Variants in SEMA4D observed in about 807,000 individuals in gnomAD.
SEMA4D encodes semaphorin-4D.
SEMA4D carries 22 observed loss-of-function variants against 74.8 expected under a neutral mutation model. The ratio of observed to expected loss-of-function variants is 0.29; its 90% CI spans 0.21 to 0.42. The LOEUF (loss-of-function observed/expected upper bound fraction) is 0.42. SEMA4D is among the 10% of genes least tolerant of loss of function. The pLI, the probability that SEMA4D is intolerant of heterozygous loss-of-function variation, is 1.00. For missense variants in SEMA4D, 937 were observed against 1,118.4 expected, an observed-to-expected ratio of 0.84 and a Z score of 2.31; for synonymous variants, 445 against 463.7, an observed-to-expected ratio of 0.96 and a Z score of 0.52.
intron 5 of SEMA4D, among the ~76,000 whole-genome samples, chr9:89,397,567 G>A (rs187381833): frequency 2.6e-5 from 4 of 152,342 alleles, no homozygotes; most frequent in Non-Finnish European, 5.9e-5. Flanking sequence ...TGCGTTACAT[G>A]TGCTATAGTC....
rs531323016 is a variant in SEMA4D at position 89,436,740 on chromosome 9, G to C, written c.-244+19148C>G. Among the ~76,000 whole-genome samples, 5 of 152,350 alleles carry C rather than the reference G, an allele frequency of 3.3e-5. No homozygotes were observed. The South Asian group carries it at 8.3e-4, about 25-fold the overall frequency. On this transcript the variant is annotated intron_variant, in intron 2 of 15. Transcript: ENST00000422704. ...GAAAGGCTGCCTTAGAGGAGGGTGTGGGGGGTTGCGGCCCAGCACCCAAGC... is the reference window on the plus strand; with the variant it reads ...GAAAGGCTGCCTTAGAGGAGGGTGTCGGGGGTTGCGGCCCAGCACCCAAGC...
In SEMA4D at chr9:89,401,768, T is replaced by C. The variant is rs544527402; in HGVS notation, c.252+1103A>G. Among the ~76,000 whole-genome samples the C allele has an allele frequency of 8.5e-5, 13 of 152,322 alleles. No homozygotes were observed. In the East Asian group the frequency reaches 2.3e-3, roughly 27 times the overall value. Reference sequence around the variant, plus strand: ...AAAGATTCCAAGCATCGATTCTGCATTTCCCAAAGGAAATGGGACCTCTAC... The same window carrying C: ...AAAGATTCCAAGCATCGATTCTGCACTTCCCAAAGGAAATGGGACCTCTAC... On this transcript the variant is annotated intron_variant, in intron 4 of 15. Coordinates refer to ENST00000422704, the MANE Select transcript of SEMA4D (RefSeq NM_001371194.2).
rs185379754 is a variant in SEMA4D at position 89,385,067 on chromosome 9, G to A, written c.1446+1300C>T. ...AACCCACTGGCTCCTCCTCCTGGGC[G>A]CGAGGCTCCCTGTGTGGCCAGCTGC... On this transcript the variant is annotated intron_variant, in intron 13 of 15. Coordinates refer to ENST00000422704, the MANE Select transcript of SEMA4D (RefSeq NM_001371194.2). The A allele has an allele frequency of 1.3e-3, 1,311 of 982,782 alleles. 15 individuals carry two copies. In the African/African-American group the frequency reaches 0.021, roughly 16 times the overall value. 60.9% of individuals were successfully genotyped at this position (982,782 alleles called of 1,614,324 possible).
rs748015780 is a variant in SEMA4D at position 89,379,391 on chromosome 9, C to A, written c.1902G>T (p.Thr634=). The A allele has an allele frequency of 1.9e-6, 3 of 1,614,062 alleles. No homozygotes were observed. The highest frequency in any genetic ancestry group is 2.5e-6 in the Non-Finnish European group (3 of 1,180,048). ...CLSEERVKNK[T]VFQVVAKHVL... ...CGTGCTTGGCGACCACTTGGAAGAC[C>A]GTTTTGTTCTTAACCCTCTCCTCTG... The change falls in exon 16 of 16, where the codon ACG becomes ACT. Residue 634 remains threonine, a synonymous_variant. Transcript: ENST00000422704.
At chr9:89,489,747 C>T (rs772491716) in intron 1 of SEMA4D, among the ~76,000 whole-genome samples, 9 of 152,216 alleles carry the variant, frequency 5.9e-5, no homozygotes, top group Admixed American at 5.2e-4. Flanking sequence ...CTTACCCATT[C>T]ATCCACTGCT....
chr9:89,464,148 G>A (rs1056971308), intron 1 of SEMA4D, among the ~76,000 whole-genome samples: 14 of 152,056 alleles, frequency 9.2e-5, no homozygotes, highest in Non-Finnish European at 1.9e-4. Context: ...CCACAAAACC[G>A]CACTGTGAGC....
In SEMA4D at chr9:89,387,524, G is replaced by A. The variant is rs764754943; in HGVS notation, c.1192C>T (p.Pro398Ser). The A allele has an allele frequency of 4.3e-6, 7 of 1,614,086 alleles. No homozygotes were observed. In the African/African-American group the frequency reaches 9.3e-5, roughly 22 times the overall value. The change falls in exon 12 of 16, where the codon CCT becomes TCT. Residue 398 changes from proline to serine, a missense_variant. By Grantham distance (74) the Pro-to-Ser change is moderately conservative (BLOSUM62 -1). Transcript: ENST00000422704. ...GGGGTTACCGAGTCATCCATCAAAG[G>A]GTGGTCTTTAACGAACTGCAGCGTC... ...DKTLQFVKDH[P>S]LMDDSVTPID...
At chr9:89,363,379 C>A in intron 18 of SEMA4D, 1 of 1,587,330 alleles carries the variant, frequency 6.3e-7, no homozygotes. Context: ...GTGGCAGGTG[C>A]CCTGCCCCTG....
chr9:89,388,432 T>C (rs969459224), intron 11 of SEMA4D, among the ~76,000 whole-genome samples: 1 of 152,262 alleles, frequency 6.6e-6, no homozygotes, highest in African/African-American at 2.4e-5. Context: ...CCTTCTTGTT[T>C]GTGCAATAGT....
At chr9:89,365,932 C>T (rs1262264770) in intron 16 of SEMA4D, among the ~76,000 whole-genome samples, 3 of 152,208 alleles carry the variant, frequency 2.0e-5, no homozygotes, top group Non-Finnish European at 4.4e-5. Context: ...TGTCCGGTCT[C>T]TTGGTCAACA....
intron 2 of SEMA4D, among the ~76,000 whole-genome samples, chr9:89,409,022 C>T (rs1843929287): frequency 6.6e-6 from 1 of 152,166 alleles, no homozygotes; most frequent in Non-Finnish European, 1.5e-5. Context: ...GGAAGCCAGC[C>T]GTGGAGACAG....
chr9:89,417,942 A>C (rs1846079794), intron 2 of SEMA4D: 1 of 232,124 alleles, frequency 4.3e-6, no homozygotes, highest in Admixed American at 6.5e-5. Context: ...GCCCCACAGG[A>C]TATCAGGGAC....
intron 1 of SEMA4D, among the ~76,000 whole-genome samples, chr9:89,483,154 C>G (rs185347638): frequency 6.6e-6 from 1 of 152,238 alleles, no homozygotes; most frequent in Non-Finnish European, 1.5e-5. Flanking sequence ...GATGGCAGAT[C>G]CCTGCACAGA....
rs550544294 is a variant in SEMA4D, at chr9:89,405,725, C to G, written c.-243-26G>C. 275 of 1,404,244 alleles carry G rather than the reference C, an allele frequency of 2.0e-4. 2 individuals are homozygous for G. The South Asian group carries it at 2.0e-3, about 10-fold the overall frequency. The allele number at this position is 1,404,244 out of a possible 1,614,324, so 87.0% of individuals were successfully genotyped here. On this transcript the variant is annotated intron_variant, in intron 2 of 15. Coordinates refer to ENST00000422704, the MANE Select transcript of SEMA4D (RefSeq NM_001371194.2). ...CTGGAAGGACATGAGAAAGAAAAGG[C>G]AGGACCCATGGTGAGTGATGACCTG... is the stretch of plus-strand genomic sequence containing the variant.
intron 8 of SEMA4D, among the ~76,000 whole-genome samples, chr9:89,391,794 C>A (rs1367098004): frequency 6.6e-6 from 1 of 152,236 alleles, no homozygotes; most frequent in East Asian, 1.9e-4. Context: ...ACACATGCTT[C>A]ACATAAACAA....
chr9:89,382,631 A>G (rs1837390966), intron 13 of SEMA4D, among the ~76,000 whole-genome samples: 2 of 152,234 alleles, frequency 1.3e-5, no homozygotes, highest in Admixed American at 1.3e-4. Flanking sequence ...TGTGTGAGCC[A>G]CGTTTGTGGG....
chr9:89,445,549 C>T (rs1852610448), intron 2 of SEMA4D, among the ~76,000 whole-genome samples: 1 of 151,956 alleles, frequency 6.6e-6, no homozygotes, highest in African/African-American at 2.4e-5. Context: ...GCGTTCCTTG[C>T]TTTGTGGTTC....
rs748464825 is a variant in SEMA4D, at chr9:89,392,465, G to A, written c.580C>T (p.His194Tyr). 1 of 1,613,802 alleles carries A rather than the reference G, an allele frequency of 6.2e-7. No individual in the cohort carries two copies. Among genetic ancestry groups the A allele is most frequent in the East Asian group, 2.2e-5 (1 of 44,880 alleles). ...SEPIISRNSSHSPLRTEYAIP... is the reference protein window; with the variant it reads ...SEPIISRNSSYSPLRTEYAIP... ...GCATATTCTGTCCTCAGAGGACTGT[G>A]GGAAGAATTTCGGGAGATGATGGGT... The change falls in exon 8 of 16, where the codon CAC becomes TAC. Residue 194 changes from histidine (H) to tyrosine (Y), a missense_variant. Physicochemically the swap from His to Tyr is moderately conservative, Grantham distance 83. Coordinates refer to ENST00000422704, the MANE Select transcript of SEMA4D (RefSeq NM_001371194.2).
intron 2 of SEMA4D, among the ~76,000 whole-genome samples, chr9:89,428,092 G>C (rs944016195): frequency 8.5e-5 from 13 of 152,170 alleles, no homozygotes; most frequent in African/African-American, 3.1e-4. Flanking sequence ...CCAACACCCA[G>C]GCCCTTCTCA....
Sources: allele counts gnomAD v4.1 joint callset (sites outside exome capture counted in the v4.1 genomes callset), GRCh38; gene constraint gnomAD v4.1.1; transcripts MANE v1.5; gene names NCBI Gene and HGNC (gene_info 2026-07-23, HGNC 2026-07-21).